Variants in CNTLN observed in about 807,000 individuals in gnomAD.
The protein encoded by CNTLN is centlein, centrosomal protein.
CNTLN carries 212 observed loss-of-function variants against 180.0 expected under a neutral mutation model. That is an observed-to-expected ratio of 1.18 (90% CI 1.05 to 1.32). The LOEUF (loss-of-function observed/expected upper bound fraction) is 1.32. Among genes scored for constraint, CNTLN ranks in the 40% most tolerant of loss-of-function variants. CNTLN has a pLI of 0.00. For synonymous variants in CNTLN, 722 were observed against 563.1 expected, an observed-to-expected ratio of 1.28 and a Z score of -3.99; for missense variants, 2,095 against 1,610.9, an observed-to-expected ratio of 1.30 and a Z score of -5.14.
chr9:17,379,792 A>C (rs1478976389), intron 13 of CNTLN, among the ~76,000 whole-genome samples: 1 of 152,162 alleles, frequency 6.6e-6, no homozygotes, highest in East Asian at 1.9e-4. Context: ...TGCTTTTACA[A>C]GTATCTTAAA....
chr9:17,390,151 T>C (rs1825983613), intron 14 of CNTLN, among the ~76,000 whole-genome samples: 1 of 152,104 alleles, frequency 6.6e-6, no homozygotes, highest in South Asian at 2.1e-4. Flanking sequence ...TGTTATACTT[T>C]ATTATGGCAA....
At chr9:17,239,497 T>G (rs541641943) in intron 5 of CNTLN, among the ~76,000 whole-genome samples, 16 of 152,364 alleles carry the variant, frequency 1.1e-4, no homozygotes, top group African/African-American at 2.2e-4. Flanking sequence ...ATCTACTTTT[T>G]TTGGTGTTAC....
intron 5 of CNTLN, among the ~76,000 whole-genome samples, chr9:17,271,996 T>G (rs1269092414): frequency 6.6e-6 from 1 of 152,076 alleles, no homozygotes; most frequent in African/African-American, 2.4e-5. Context: ...ATATTTGCAT[T>G]TTGCTAGGAT....
intron 2 of CNTLN, among the ~76,000 whole-genome samples, chr9:17,185,907 C>A (rs1821408434): frequency 6.6e-6 from 1 of 151,980 alleles, no homozygotes. Flanking sequence ...ATTCTCCCAC[C>A]TCAGCCTCCT....
At chr9:17,457,787 A>C in intron 19 of CNTLN, 72 bp downstream of exon 19, 1 of 931,760 alleles carries the variant, frequency 1.1e-6, no homozygotes, top group South Asian at 4.4e-5. Flanking sequence ...TTATATGAAC[A>C]CTAATTTATT....
chr9:17,495,751 G>A lies in CNTLN; in HGVS notation c.4120-6800G>A, dbSNP rs145071533. 7.2e-4 allele frequency among the ~76,000 whole-genome samples: 109 copies of A among 152,190 alleles called. 2 individuals are homozygous for A. The East Asian group carries it at 0.016, about 22-fold the overall frequency. ...TTACTCACCGCTCACTCACTGACTC[G>A]CCCAGAGCAACTTCCAGTCCCACAG... On this transcript the variant is annotated intron_variant, in intron 25 of 25. Transcript: ENST00000380647.
At chr9:17,207,094 C>G (rs577907962) in intron 2 of CNTLN, among the ~76,000 whole-genome samples, 22 of 152,176 alleles carry the variant, frequency 1.4e-4, no homozygotes, top group Non-Finnish European at 2.5e-4. Context: ...GGAGCCCAGG[C>G]TGTTGCTTCC....
intron 13 of CNTLN, among the ~76,000 whole-genome samples, chr9:17,373,315 A>G (rs1376996393): frequency 6.6e-6 from 1 of 152,216 alleles, no homozygotes; most frequent in Non-Finnish European, 1.5e-5. Context: ...AATCAGTATC[A>G]TTTCTATATG....
chr9:17,295,522 C>G (rs893018949), intron 6 of CNTLN, among the ~76,000 whole-genome samples: 2 of 152,112 alleles, frequency 1.3e-5, no homozygotes, highest in African/African-American at 4.8e-5. Flanking sequence ...GCTGCCTAGT[C>G]AGTCCCAATG....
At chr9:17,473,592 C>CAAA (rs1208961626) in intron 23 of CNTLN, among the ~76,000 whole-genome samples, 10 of 132,798 alleles carry the variant, frequency 7.5e-5, no homozygotes, top group Non-Finnish European at 1.2e-4. Context: ...CACCATTTAC[C>CAAA]AAAAAAAAAA....
chr9:17,164,667 G>A (rs558090802), intron 2 of CNTLN, among the ~76,000 whole-genome samples: 1 of 151,056 alleles, frequency 6.6e-6, no homozygotes, highest in South Asian at 2.1e-4. Flanking sequence ...GGCTCGTCTC[G>A]AATTCCTGAC....
intron 13 of CNTLN, among the ~76,000 whole-genome samples, chr9:17,381,826 T>G (rs1825276688): frequency 6.6e-6 from 1 of 152,188 alleles, no homozygotes; most frequent in Admixed American, 6.5e-5. Flanking sequence ...CCATATTTCT[T>G]AATCCCAGTC....
chr9:17,166,375 A>G (rs1418335513), intron 2 of CNTLN, among the ~76,000 whole-genome samples: 1 of 152,204 alleles, frequency 6.6e-6, no homozygotes, highest in African/African-American at 2.4e-5. Flanking sequence ...ATAAGAATCA[A>G]TATAGGTGCT....
At chr9:17,318,700 G>C (rs1162345309) in intron 8 of CNTLN, among the ~76,000 whole-genome samples, 1 of 152,154 alleles carries the variant, frequency 6.6e-6, no homozygotes, top group Admixed American at 6.5e-5. Context: ...AGATGTGGAA[G>C]CCCAGAATTA....
chr9:17,325,936 G>T (rs1470648503), intron 8 of CNTLN, among the ~76,000 whole-genome samples: 2 of 151,852 alleles, frequency 1.3e-5, no homozygotes. Context: ...TATTCAGTCG[G>T]CCCCCACTGT....
At chr9:17,487,781 T>C (rs1200335081) in intron 25 of CNTLN, among the ~76,000 whole-genome samples, 1 of 152,132 alleles carries the variant, frequency 6.6e-6, no homozygotes, top group Non-Finnish European at 1.5e-5. Flanking sequence ...TCAAGTATTT[T>C]TTTAATACAC....
At chr9:17,224,606 A>G (rs1824346739) in intron 2 of CNTLN, among the ~76,000 whole-genome samples, 1 of 151,728 alleles carries the variant, frequency 6.6e-6, no homozygotes, top group African/African-American at 2.4e-5. Context: ...CCCTTATTTC[A>G]CTAATCTCTT....
chr9:17,359,935 G>A (rs1823224495), intron 12 of CNTLN, among the ~76,000 whole-genome samples: 1 of 151,256 alleles, frequency 6.6e-6, no homozygotes, highest in South Asian at 2.1e-4. Flanking sequence ...CAAATGAGAG[G>A]ACATACGGAC....
rs775891673 is a variant in CNTLN, at chr9:17,135,151, C to T, written c.86C>T (p.Ala29Val). The T allele has an allele frequency of 4.4e-6, 7 of 1,608,706 alleles. No individual in the cohort carries two copies. The African/African-American group carries it at 8.0e-5, about 18-fold the overall frequency. The change falls in exon 1 of 26, where the codon GCT (alanine) becomes GTT (valine). Residue 29 changes from alanine (A) to valine (V), a missense_variant. Transcript: ENST00000380647. Reference sequence around the variant, plus strand: ...AGGTCCCCACGTGTTGGGCGGGGAGCTGAAGTACACGCAATGCGCAGCGAG... The same window carrying T: ...AGGTCCCCACGTGTTGGGCGGGGAGTTGAAGTACACGCAATGCGCAGCGAG... The part of the protein sequence containing the change: ...GPRSPRVGRG[A>V]EVHAMRSEAS...
Sources: allele counts gnomAD v4.1 joint callset (sites outside exome capture counted in the v4.1 genomes callset), GRCh38; gene constraint gnomAD v4.1.1; transcripts MANE v1.5; gene names NCBI Gene and HGNC (gene_info 2026-07-23, HGNC 2026-07-21).